Variants in TRPV3 observed in about 807,000 individuals in gnomAD.
TRPV3 encodes the protein transient receptor potential cation channel subfamily V member 3.
A neutral mutation model predicts 87.1 loss-of-function variants in TRPV3; 88 were observed. That is an observed-to-expected ratio of 1.01 (90% CI 0.85 to 1.21). TRPV3 has a LOEUF of 1.21. TRPV3 is among the 50% of genes most tolerant of loss of function. The probability of loss-of-function intolerance (pLI) is 0.00; values close to 1 mark genes in which losing one functional copy is unlikely to be tolerated. For missense variants in TRPV3, 1,054 were observed against 1,030.1 expected, an observed-to-expected ratio of 1.02 and a Z score of -0.32; for synonymous variants, 438 against 423.3, an observed-to-expected ratio of 1.03 and a Z score of -0.43.
At position 3,530,612 on chromosome 17, in the gene TRPV3, A is replaced by G; in HGVS notation, c.1066-409T>C. Among the ~76,000 whole-genome samples, 1 of 152,088 alleles carries G rather than the reference A, an allele frequency of 6.6e-6. No homozygotes were observed. Among genetic ancestry groups the G allele is most frequent in the Non-Finnish European group, 1.5e-5 (1 of 67,996 alleles). ...GTTCTCAGCGTCCCCAGCCCACCCT[A>G]AGCCAAGACTCCTCCAGCTGTGGCT... On this transcript the variant is annotated intron_variant, in intron 8 of 17. Coordinates refer to ENST00000576742, the MANE Select transcript of TRPV3 (RefSeq NM_145068.4). The surrounding 1 kb of genome is among the most constrained non-coding windows in gnomAD (Gnocchi z 4.0).
intron 2 of TRPV3, among the ~76,000 whole-genome samples, chr17:3,550,014 TGATG>T (rs918400266): frequency 1.8e-4 from 27 of 148,660 alleles, no homozygotes; most frequent in Non-Finnish European, 3.4e-4. Context: ...GATGAATAAA[TGATG>T]GATGGATGGA....
intron 2 of TRPV3, among the ~76,000 whole-genome samples, chr17:3,548,258 G>A (rs757009096): frequency 3.9e-5 from 6 of 152,162 alleles, no homozygotes; most frequent in Non-Finnish European, 7.4e-5. Context: ...AGGAGGGAGG[G>A]TAGCAGGAAA....
chr17:3,530,311 T>G lies in TRPV3; in HGVS notation c.1066-108A>C. 1 of 1,134,692 alleles carries G rather than the reference T, an allele frequency of 8.8e-7. No individual in the cohort carries two copies. Among genetic ancestry groups the G allele is most frequent in the Non-Finnish European group, 1.2e-6 (1 of 811,532 alleles). 70.3% of individuals were successfully genotyped at this position (1,134,692 alleles called of 1,614,324 possible). A position where few individuals can be genotyped will look rare whatever the true frequency, so the allele number is the denominator to read the frequency against. On this transcript the variant is annotated intron_variant, in intron 8 of 17. Coordinates refer to ENST00000576742, the MANE Select transcript of TRPV3 (RefSeq NM_145068.4). The surrounding 1 kb of genome is among the most constrained non-coding windows in gnomAD (Gnocchi z 4.0). ...GCCCAGGGGATACACCCGCCCAGAA[T>G]GGGTGGAGACCTGCCTCTGCGCCTG...
intron 12 of TRPV3, among the ~76,000 whole-genome samples, 195 bp from the exon 13 acceptor site, chr17:3,524,558 C>A (rs558473979): frequency 1.3e-5 from 2 of 152,254 alleles, no homozygotes; most frequent in African/African-American, 4.8e-5. Context: ...CACCAGATGC[C>A]ACTCACAGCC....
At chr17:3,554,662 G>C in intron 2 of TRPV3, 70 bp downstream of exon 2, 1 of 1,150,042 alleles carries the variant, frequency 8.7e-7, no homozygotes, top group Non-Finnish European at 1.3e-6. Context: ...GGGCTCCCTG[G>C]GGGGGTGCCA....
chr17:3,537,420 C>A (rs2074417562), intron 6 of TRPV3, among the ~76,000 whole-genome samples: 1 of 152,002 alleles, frequency 6.6e-6, no homozygotes, highest in African/African-American at 2.4e-5. Context: ...CAGGCCTGCA[C>A]CACCACTCCC....
At chr17:3,534,492 A>AAAG (rs2074381559) in intron 7 of TRPV3, among the ~76,000 whole-genome samples, 1 of 152,202 alleles carries the variant, frequency 6.6e-6, no homozygotes, top group Non-Finnish European at 1.5e-5. Flanking sequence ...CCTCTGCAAC[A>AAAG]AAGTTACACA....
At chr17:3,546,839 G>T (rs750348064) in intron 2 of TRPV3, 7 of 326,776 alleles carry the variant, frequency 2.1e-5, no homozygotes, top group Non-Finnish European at 3.1e-5. Flanking sequence ...GTGGTGGTAT[G>T]CGCCTGTAAT....
chr17:3,523,892 C>A (rs2074269332), intron 13 of TRPV3, among the ~76,000 whole-genome samples: 1 of 139,878 alleles, frequency 7.1e-6, no homozygotes, highest in African/African-American at 3.2e-5. Flanking sequence ...CATATTCCAC[C>A]TACACACACA....
chr17:3,517,063 T>C (rs1275499331), intron 15 of TRPV3, among the ~76,000 whole-genome samples: 4 of 152,164 alleles, frequency 2.6e-5, no homozygotes, highest in Admixed American at 2.6e-4. Context: ...GAGAATCACT[T>C]GAACCTGGAG....
chr17:3,554,957 T>C, intron 1 of TRPV3, 105 bp from the exon 2 acceptor site: 1 of 652,444 alleles, frequency 1.5e-6, no homozygotes. Context: ...TCACACTACC[T>C]GGAACTGGAA....
rs1339434084 is a variant in TRPV3, at chr17:3,524,334, G to C, written c.1607C>G (p.Ser536Cys). The change falls in exon 13 of 18, where the codon TCT becomes TGT. Residue 536 changes from serine to cysteine, a missense_variant. Coordinates refer to ENST00000576742, the MANE Select transcript of TRPV3 (RefSeq NM_145068.4). Reference sequence around the variant, plus strand: ...GTAGGCAAACAAGTACAAGAAGACAGACAGTATCACAAGCACAGCTTGGAT... The same window carrying C: ...GTAGGCAAACAAGTACAAGAAGACACACAGTATCACAAGCACAGCTTGGAT... ...FFIQAVLVIL[S>C]VFLYLFAYKE... is the part of the protein sequence containing the mutation. 3 of 1,614,240 alleles carry C rather than the reference G, an allele frequency of 1.9e-6. No homozygotes were observed. In the East Asian group the frequency reaches 6.7e-5, roughly 36 times the overall value.
At chr17:3,549,878 T>C (rs2074557975) in intron 2 of TRPV3, among the ~76,000 whole-genome samples, 1 of 151,402 alleles carries the variant, frequency 6.6e-6, no homozygotes, top group Non-Finnish European at 1.5e-5. Context: ...TATGTATGTA[T>C]GGATGGATGG....
At chr17:3,516,963 T>C (rs1051348651) in intron 15 of TRPV3, among the ~76,000 whole-genome samples, 1 of 151,770 alleles carries the variant, frequency 6.6e-6, no homozygotes. Flanking sequence ...CTGGCCAACA[T>C]GGCAAAAGCC....
At position 3,530,197 on chromosome 17, in the gene TRPV3, T is replaced by C. The variant is rs752887512; in HGVS notation, c.1072A>G (p.Lys358Glu). The C allele has an allele frequency of 1.9e-6, 3 of 1,611,398 alleles. No homozygotes were observed. The South Asian group carries it at 3.3e-5, about 18-fold the overall frequency. ...TTGATCTCACGACTGAGGATGTACTTCAGGATCTGGGACAGGAGGAGGAAC... is the reference window on the plus strand; with the variant it reads ...TTGATCTCACGACTGAGGATGTACTCCAGGATCTGGGACAGGAGGAGGAAC... ...AAKMGKAEILKYILSREIKEK... is the reference protein window; with the variant it reads ...AAKMGKAEILEYILSREIKEK... Residue 358 changes from lysine to glutamate, a missense_variant, in exon 9 of 18, where the codon AAG (lysine) becomes GAG (glutamate). Coordinates refer to ENST00000576742, the MANE Select transcript of TRPV3 (RefSeq NM_145068.4). The surrounding 1 kb of genome is among the most constrained non-coding windows in gnomAD (Gnocchi z 4.0).
chr17:3,557,030 G>A lies in TRPV3; in HGVS notation c.-3+646C>T, dbSNP rs910571149. ...TTCTCTGGGCCCGAGAATGTGGCCT[G>A]CCCTGGGCCTCTGGGGCAGGAGAGG... On this transcript the variant is annotated intron_variant, in intron 1 of 17. Transcript: ENST00000576742. This position sits in a 1 kb window ranked among gnomAD's most constrained non-coding sequence, Gnocchi z 4.5. 1.3e-5 allele frequency among the ~76,000 whole-genome samples: 2 copies of A among 152,056 alleles called. No homozygotes were observed. Among genetic ancestry groups the A allele is most frequent in the Admixed American group, 6.6e-5 (1 of 15,258 alleles).
chr17:3,543,074 A>G (rs2074484199), intron 5 of TRPV3, among the ~76,000 whole-genome samples: 1 of 151,104 alleles, frequency 6.6e-6, no homozygotes, highest in African/African-American at 2.4e-5. Flanking sequence ...CGAGACACCC[A>G]GGGCTCCACC....
chr17:3,516,284 G>T (rs1159798109), intron 16 of TRPV3, among the ~76,000 whole-genome samples, 173 bp downstream of exon 16: 2 of 152,118 alleles, frequency 1.3e-5, no homozygotes, highest in Non-Finnish European at 2.9e-5. Flanking sequence ...CCCCATCTCA[G>T]GGCCTGCAAC....
Position 3,521,945 on chromosome 17 carries a change from A to G in TRPV3, c.1744-906T>C, listed in dbSNP as rs1032343315. ...ACAAAAATTAGCTGGGTGTGGTGGC[A>G]CACACCTGTGATCCCAGCTACTCCA... On this transcript the variant is annotated intron_variant, in intron 13 of 17. Transcript: ENST00000576742. 4.6e-5 allele frequency among the ~76,000 whole-genome samples: 7 copies of G among 151,958 alleles called. No homozygotes were observed. In the South Asian group the frequency reaches 6.2e-4, roughly 14 times the overall value.
Sources: gnomAD v4.1 joint callset for allele counts (sites outside exome capture counted in the v4.1 genomes callset) on GRCh38, gnomAD v4.1.1 for gene constraint, Gnocchi (gnomAD v3.1) non-coding constraint, MANE v1.5 for transcripts, NCBI Gene and HGNC (gene_info 2026-07-23, HGNC 2026-07-21) for gene names.